NDUFAF6: variants seen among roughly 807,000 people sequenced by gnomAD.
The protein encoded by NDUFAF6 is NADH:ubiquinone oxidoreductase complex assembly factor 6.
NDUFAF6 carries 45 observed loss-of-function variants against 40.8 expected under a neutral mutation model. The ratio of observed to expected loss-of-function variants is 1.10; its 90% CI spans 0.87 to 1.42. The LOEUF is 1.42. NDUFAF6 is among the 40% of genes most tolerant of loss of function. The probability of loss-of-function intolerance (pLI) is 0.00; values close to 1 mark genes in which losing one functional copy is unlikely to be tolerated. For synonymous variants in NDUFAF6, 185 were observed against 155.9 expected (o/e 1.19, Z -1.39); for missense variants, 435 against 418.5 (o/e 1.04, Z -0.34).
downstream of NDUFAF6, chr8:95,078,662 A>AAAAAAATATATATATATATATATATATAT (rs545018367): frequency 5.8e-5 from 7 of 121,048 alleles, no homozygotes; most frequent in African/African-American, 2.3e-4. Context: ...AAAAAAAAAA[A>AAAAAAATATATATATATATATATATATAT]ATATATATAT....
At chr8:94,908,638 G>A (rs1394145098) in intron 1 of NDUFAF6, among the ~76,000 whole-genome samples, 1 of 152,170 alleles carries the variant, frequency 6.6e-6, no homozygotes, top group Non-Finnish European at 1.5e-5. Flanking sequence ...CCAAAGTGCT[G>A]GGAGTACAGA....
At chr8:94,956,270 G>A (rs761145442), upstream of NDUFAF6, among the ~76,000 whole-genome samples, 4 of 152,166 alleles carry the variant, frequency 2.6e-5, no homozygotes, top group Admixed American at 1.3e-4. Flanking sequence ...GTTTTCCAGC[G>A]TTTGGGCAAG....
chr8:95,088,384 A>G (rs1357353320), intron 2 of NDUFAF6, among the ~76,000 whole-genome samples: 3 of 152,128 alleles, frequency 2.0e-5, no homozygotes, highest in Non-Finnish European at 2.9e-5. Context: ...CAAAGTCATT[A>G]CCTTCCCCAC....
intron 8 of NDUFAF6, 57 bp from the exon 9 acceptor site, chr8:95,057,752 T>C: frequency 7.4e-7 from 1 of 1,350,220 alleles, no homozygotes; most frequent in African/African-American, 1.5e-5. Context: ...TTAGTTTTTT[T>C]TTTTTTTAAG....
At chr8:94,934,513 G>T (rs1319342595) in intron 1 of NDUFAF6, among the ~76,000 whole-genome samples, 1 of 151,686 alleles carries the variant, frequency 6.6e-6, no homozygotes, top group Non-Finnish European at 1.5e-5. Flanking sequence ...AGCCTCCCTA[G>T]TAGCTGGGAG....
chr8:94,972,840 A>G (rs1022577612), intron 1 of NDUFAF6, among the ~76,000 whole-genome samples: 1 of 151,982 alleles, frequency 6.6e-6, no homozygotes, highest in Non-Finnish European at 1.5e-5. Context: ...TCGAGGCTGC[A>G]GTGAGCCATG....
At chr8:95,064,136 CGCCTCA>C (rs2132019365) in intron 9 of NDUFAF6, among the ~76,000 whole-genome samples, 1 of 150,796 alleles carries the variant, frequency 6.6e-6, no homozygotes, top group Non-Finnish European at 1.5e-5. Flanking sequence ...GTGATCTGCC[CGCCTCA>C]GCCTCCCAAA....
chr8:94,985,021 A>G (rs953022088), intron 2 of NDUFAF6, among the ~76,000 whole-genome samples: 1 of 152,114 alleles, frequency 6.6e-6, no homozygotes, highest in Admixed American at 6.5e-5. Flanking sequence ...TCTGAAGGCT[A>G]GAAATGCTAG....
intron 7 of NDUFAF6, among the ~76,000 whole-genome samples, chr8:95,049,533 C>T (rs1831193583): frequency 6.6e-6 from 1 of 152,180 alleles, no homozygotes; most frequent in African/African-American, 2.4e-5. Flanking sequence ...CCTTAGCTCC[C>T]ATAATGCTAA....
intron 2 of NDUFAF6, among the ~76,000 whole-genome samples, chr8:94,990,240 T>G (rs1826135605): frequency 6.6e-6 from 1 of 152,200 alleles, no homozygotes; most frequent in Non-Finnish European, 1.5e-5. Context: ...TAAGGTGGTT[T>G]GGAATTAGGG....
intron 2 of NDUFAF6, among the ~76,000 whole-genome samples, chr8:95,007,306 C>A (rs201647256): frequency 1.4e-4 from 21 of 149,338 alleles, no homozygotes; most frequent in South Asian, 4.2e-4. Flanking sequence ...CCTGTAATAC[C>A]AAAAAAAAAA....
In NDUFAF6 at chr8:95,025,124, C is replaced by T. The variant is rs753206462; in HGVS notation, c.116C>T (p.Pro39Leu). 55 of 1,482,816 alleles carry T rather than the reference C, an allele frequency of 3.7e-5. No homozygotes were observed. Among genetic ancestry groups the T allele is most frequent in the Non-Finnish European group, 4.2e-5 (47 of 1,126,346 alleles). 91.9% of individuals were successfully genotyped at this position (1,482,816 alleles called of 1,614,324 possible). Reference sequence around the variant, plus strand: ...GCGCGCATGCGGCGGCTGCCCGGGCCGGAGGTGTCTGGGCGGAGCGTGGCT... The same window carrying T: ...GCGCGCATGCGGCGGCTGCCCGGGCTGGAGGTGTCTGGGCGGAGCGTGGCT... Reference protein sequence around the residue: ...LYARMRRLPGPEVSGRSVAAA... With the variant: ...LYARMRRLPGLEVSGRSVAAA... Residue 39 changes from proline (P) to leucine (L), a missense_variant, in exon 1 of 9, where the codon CCG becomes CTG. Coordinates refer to ENST00000396124, the MANE Select transcript of NDUFAF6 (RefSeq NM_152416.4).
At chr8:95,052,255 G>A in intron 8 of NDUFAF6, 25 bp downstream of exon 8, 1 of 1,605,188 alleles carries the variant, frequency 6.2e-7, no homozygotes, top group Non-Finnish European at 8.5e-7. Context: ...AGAGAAGGCT[G>A]TATAATTAGT....
At chr8:95,095,677 T>C (rs2132070295), upstream of NDUFAF6, among the ~76,000 whole-genome samples, 1 of 152,106 alleles carries the variant, frequency 6.6e-6, no homozygotes, top group African/African-American at 2.4e-5. Context: ...TTTTTTTTTT[T>C]TCTTTGAGAC....
At chr8:94,909,823 C>A (rs1818657104) in intron 1 of NDUFAF6, among the ~76,000 whole-genome samples, 1 of 150,638 alleles carries the variant, frequency 6.6e-6, no homozygotes, top group Non-Finnish European at 1.5e-5. Flanking sequence ...TACACACACA[C>A]ACACACATAT....
chr8:94,943,002 G>C (rs1315316935), intron 1 of NDUFAF6, among the ~76,000 whole-genome samples: 1 of 152,182 alleles, frequency 6.6e-6, no homozygotes, highest in African/African-American at 2.4e-5. Flanking sequence ...ACCATTTAGG[G>C]AAACAGGAAT....
At chr8:95,021,046 G>A (rs924181385), upstream of NDUFAF6, among the ~76,000 whole-genome samples, 9 of 152,118 alleles carry the variant, frequency 5.9e-5, no homozygotes, top group Non-Finnish European at 8.8e-5. Context: ...CTTGGGTTGC[G>A]GCTTACTTTG....
At chr8:95,050,222 C>T (rs1831274796) in intron 7 of NDUFAF6, among the ~76,000 whole-genome samples, 1 of 152,186 alleles carries the variant, frequency 6.6e-6, no homozygotes, top group South Asian at 2.1e-4. Flanking sequence ...GCCTCACTCC[C>T]TGGAGACTGG....
intron 1 of NDUFAF6, among the ~76,000 whole-genome samples, chr8:94,977,846 G>T (rs553307194): frequency 6.6e-6 from 1 of 152,208 alleles, no homozygotes; most frequent in South Asian, 2.1e-4. Flanking sequence ...CTGTTCTGGG[G>T]AGTAGTGGGC....
Sources: gnomAD v4.1 joint callset for allele counts (sites outside exome capture counted in the v4.1 genomes callset) on GRCh38, gnomAD v4.1.1 for gene constraint, MANE v1.5 for transcripts, NCBI Gene and HGNC (gene_info 2026-07-23, HGNC 2026-07-21) for gene names.